The following FOXJ3 variants were observed in gnomAD, a reference collection of about 807,000 sequenced individuals.
The protein encoded by FOXJ3 is forkhead box J3.
In FOXJ3, 22 loss-of-function variants were observed where a neutral mutation model predicts 76.1. The observed-to-expected ratio is 0.29, with a 90% CI of 0.21 to 0.41. FOXJ3 has a LOEUF of 0.41. Ranked by LOEUF, FOXJ3 falls within the 10% of genes least tolerant of loss-of-function variation. The pLI is 1.00. For synonymous variants in FOXJ3, 269 were observed against 261.2 expected (o/e 1.03, Z -0.29); for missense variants, 613 against 762.1 (o/e 0.80, Z 2.30).
At chr1:42,241,537 G>C (rs114138457) in intron 4 of FOXJ3, among the ~76,000 whole-genome samples, 1 of 152,248 alleles carries the variant, frequency 6.6e-6, no homozygotes, top group Non-Finnish European at 1.5e-5. Context: ...ACCATGGCTG[G>C]CATCTGTACA....
chr1:42,324,958 G>A (rs918030797), intron 1 of FOXJ3, among the ~76,000 whole-genome samples: 1 of 148,266 alleles, frequency 6.7e-6, no homozygotes, highest in Non-Finnish European at 1.5e-5. Context: ...TGGCTTTGAG[G>A]TCACTAGGCA....
intron 8 of FOXJ3, 110 bp from the exon 9 acceptor site, chr1:42,191,829 G>T: frequency 8.7e-7 from 1 of 1,149,264 alleles, no homozygotes; most frequent in Non-Finnish European, 1.2e-6. Flanking sequence ...AGCAACACTG[G>T]TTCAATTTAA....
intron 4 of FOXJ3, among the ~76,000 whole-genome samples, chr1:42,245,435 A>G (rs1434546350): frequency 1.3e-5 from 2 of 152,166 alleles, no homozygotes. Context: ...AATATTAGCA[A>G]ACCAAATCTG....
rs371359901 is a variant in FOXJ3, at chr1:42,210,492, A to G, written c.529-4629T>C. Among the ~76,000 whole-genome samples, 15 of 152,162 alleles carry G rather than the reference A, an allele frequency of 9.9e-5. No individual in the cohort carries two copies. The East Asian group carries it at 1.3e-3, about 14-fold the overall frequency. On this transcript the variant is annotated intron_variant, in intron 5 of 12. Coordinates refer to ENST00000361346, the MANE Select transcript of FOXJ3 (RefSeq NM_014947.5). The stretch of plus-strand genomic sequence containing the variant: ...TTGAAGCCAACCAGCACAGCCCATT[A>G]CAACATCTGCAGGGACAATAACACC...
At chr1:42,214,557 T>C (rs1647028356) in intron 5 of FOXJ3, among the ~76,000 whole-genome samples, 1 of 152,186 alleles carries the variant, frequency 6.6e-6, no homozygotes, top group Non-Finnish European at 1.5e-5. Context: ...CTTCTGCTGA[T>C]AACTATAAAG....
In FOXJ3 at chr1:42,281,650, C is replaced by G. The variant is rs115842234; in HGVS notation, c.45-2978G>C. Among the ~76,000 whole-genome samples the G allele has an allele frequency of 4.2e-3, 632 of 152,286 alleles. 3 individuals carry two copies. Among genetic ancestry groups the G allele is most frequent in the African/African-American group, 0.014 (589 of 41,562 alleles). On this transcript the variant is annotated intron_variant, in intron 2 of 12. Transcript: ENST00000361346. ...ATATACAGCATTCTTGGTAGTGAAG[C>G]AAAAAGTGTCCCCACTGTTGATACT... is the stretch of plus-strand genomic sequence containing the variant.
At chr1:42,202,425 A>G (rs554750811) in intron 6 of FOXJ3, among the ~76,000 whole-genome samples, 27 of 152,080 alleles carry the variant, frequency 1.8e-4, no homozygotes. Flanking sequence ...AAAAAAAAGT[A>G]AAGAACATTA....
intron 2 of FOXJ3, among the ~76,000 whole-genome samples, chr1:42,303,354 T>C (rs1270059383): frequency 1.3e-5 from 2 of 152,242 alleles, no homozygotes; most frequent in Non-Finnish European, 2.9e-5. Context: ...GCTTAAATAA[T>C]GCCTGGTCTA....
chr1:42,229,942 C>A (rs1242903609), intron 4 of FOXJ3, among the ~76,000 whole-genome samples: 1 of 152,174 alleles, frequency 6.6e-6, no homozygotes, highest in Non-Finnish European at 1.5e-5. Context: ...GTGTATTAAT[C>A]TGGGGAAACC....
intron 2 of FOXJ3, among the ~76,000 whole-genome samples, chr1:42,279,859 T>C (rs1010037605): frequency 2.0e-5 from 3 of 152,120 alleles, no homozygotes; most frequent in African/African-American, 4.8e-5. Context: ...AAGAAAACAT[T>C]TGTAGCTATG....
intron 1 of FOXJ3, among the ~76,000 whole-genome samples, chr1:42,322,463 G>A (rs555104363): frequency 6.6e-6 from 1 of 151,992 alleles, no homozygotes; most frequent in East Asian, 1.9e-4. Context: ...TTAAAAAAAA[G>A]GTATTTGAGG....
chr1:42,278,722 T>C (rs555237759), intron 2 of FOXJ3, 50 bp from the exon 3 acceptor site: 2 of 1,277,812 alleles, frequency 1.6e-6, no homozygotes, highest in African/African-American at 1.5e-5. Context: ...AACCCCTGCT[T>C]CTCAAAATAT....
At chr1:42,230,132 G>A (rs1647953836) in intron 4 of FOXJ3, among the ~76,000 whole-genome samples, 1 of 152,162 alleles carries the variant, frequency 6.6e-6, no homozygotes, top group African/African-American at 2.4e-5. Flanking sequence ...ATAAAATCCT[G>A]AACGCCTAAA....
At chr1:42,211,024 G>A (rs575390232) in intron 5 of FOXJ3, among the ~76,000 whole-genome samples, 131 of 152,178 alleles carry the variant, frequency 8.6e-4, no homozygotes, top group Non-Finnish European at 1.7e-3. Context: ...CTTTCCACTT[G>A]TGGGGGAGTT....
At position 42,224,911 on chromosome 1, in the gene FOXJ3, A is replaced by G. The variant is rs929959935; in HGVS notation, c.528+2972T>C. Among the ~76,000 whole-genome samples the G allele has an allele frequency of 4.0e-5, 6 of 151,738 alleles. No individual in the cohort carries two copies. The East Asian group carries it at 9.8e-4, about 25-fold the overall frequency. The stretch of plus-strand genomic sequence containing the variant: ...AGACCAGCCTCGGCAACATGGCAAG[A>G]CCCCATCTCTACAAAAAATTTTAAA... On this transcript the variant is annotated intron_variant, in intron 5 of 12. Transcript: ENST00000361346.
chr1:42,186,281 T>C (rs764705287), intron 11 of FOXJ3, among the ~76,000 whole-genome samples: 1 of 152,010 alleles, frequency 6.6e-6, no homozygotes, highest in Non-Finnish European at 1.5e-5. Flanking sequence ...TCAGCAGGCA[T>C]GAAGTGATGA....
intron 1 of FOXJ3, among the ~76,000 whole-genome samples, chr1:42,325,589 T>C (rs569146634): frequency 3.9e-5 from 6 of 152,322 alleles, no homozygotes; most frequent in African/African-American, 1.4e-4. Context: ...CCAATGTACC[T>C]GGATGAAAAA....
At chr1:42,199,309 C>T in intron 6 of FOXJ3, 79 bp from the exon 7 acceptor site, 3 of 1,264,914 alleles carry the variant, frequency 2.4e-6, no homozygotes, top group Non-Finnish European at 3.3e-6. Context: ...ATTGAGCAGG[C>T]ATATGGCAAG....
intron 2 of FOXJ3, 115 bp from the exon 3 acceptor site, chr1:42,278,787 G>C: frequency 2.8e-6 from 2 of 704,286 alleles, no homozygotes; most frequent in Non-Finnish European, 4.8e-6. Flanking sequence ...AGTTACATCT[G>C]GAGGAAAAAG....
Sources: allele counts gnomAD v4.1 joint callset (sites outside exome capture counted in the v4.1 genomes callset), GRCh38; gene constraint gnomAD v4.1.1; transcripts MANE v1.5; gene names NCBI Gene and HGNC (gene_info 2026-07-23, HGNC 2026-07-21).